MYB: variants seen among roughly 807,000 people sequenced by gnomAD.
MYB encodes the protein transcriptional activator Myb.
A neutral mutation model predicts 92.9 loss-of-function variants in MYB; 28 were observed. The ratio of observed to expected loss-of-function variants is 0.30; its 90% CI spans 0.22 to 0.41. MYB has a LOEUF of 0.41. Ranked by LOEUF, MYB falls within the 10% of genes least tolerant of loss-of-function variation. MYB has a pLI of 1.00. For missense variants in MYB, 679 were observed against 929.3 expected (o/e 0.73, Z 3.50); for synonymous variants, 295 against 329.1 (o/e 0.90, Z 1.12).
At position 135,203,293 on chromosome 6, in the gene MYB, C is replaced by A. The variant is rs1778388996; in HGVS notation, c.2138C>A (p.Pro713His). ...AATGTTCTCAAAGCATTTACAGTAC[C>A]TAAAAACAGGTCCCTGGCGAGCCCC... is the stretch of plus-strand genomic sequence containing the variant. ...EDNVLKAFTV[P>H]KNRSLASPLQ... Residue 713 changes from proline to histidine, a missense_variant, in exon 15 of 16, where the codon CCT (proline) becomes CAT (histidine). Physicochemically the swap from Pro to His is moderately conservative, Grantham distance 77 (BLOSUM62 -2). Transcript: ENST00000341911. The A allele has an allele frequency of 3.7e-6, 6 of 1,608,594 alleles. No individual in the cohort carries two copies. Among genetic ancestry groups the A allele is most frequent in the Non-Finnish European group, 5.1e-6 (6 of 1,175,166 alleles).
Position 135,218,095 on chromosome 6 carries a change from A to G in MYB, c.*115A>G. 1 of 819,948 alleles carries G rather than the reference A, an allele frequency of 1.2e-6. No individual in the cohort carries two copies. The highest frequency in any genetic ancestry group is 1.5e-5 in the South Asian group (1 of 67,178). The allele number at this position is 819,948 out of a possible 1,614,324, so 50.8% of individuals were successfully genotyped here. A position where few individuals can be genotyped will look rare whatever the true frequency, so the allele number is the denominator to read the frequency against. ...GAGAAGAACCTATTTTTGTTGTGGT[A>G]CAACAGTTGAGAGCAGCACCAAGTG... On this transcript the variant is annotated 3_prime_UTR_variant, in exon 16 of 16. Coordinates refer to ENST00000341911, the MANE Select transcript of MYB (RefSeq NM_001130173.2).
intron 5 of MYB, among the ~76,000 whole-genome samples, chr6:135,191,692 CT>C (rs1459937945): frequency 1.3e-5 from 2 of 152,166 alleles, no homozygotes; most frequent in Non-Finnish European, 2.9e-5. Flanking sequence ...AATGGAAAGA[CT>C]TTAGTAAAAA....
intron 8 of MYB, 61 bp downstream of exon 8, chr6:135,194,521 C>T (rs775053096): frequency 1.4e-4 from 166 of 1,164,022 alleles, no homozygotes; most frequent in Admixed American, 2.3e-4. Context: ...TTTACCTAAG[C>T]GCTCTTCTCT....
chr6:135,189,754 T>A, intron 3 of MYB, 37 bp from the exon 4 acceptor site: 1 of 1,558,222 alleles, frequency 6.4e-7, no homozygotes, highest in African/African-American at 1.4e-5. Context: ...GCTTATCACA[T>A]CATATCTTTA....
chr6:135,201,848 C>A, intron 14 of MYB, 99 bp downstream of exon 14: 1 of 496,724 alleles, frequency 2.0e-6, no homozygotes, highest in Non-Finnish European at 3.4e-6. Flanking sequence ...AGCACTCCCT[C>A]TTTAACACAT....
chr6:135,200,029 C>A, intron 11 of MYB, 56 bp from the exon 12 acceptor site: 1 of 1,309,084 alleles, frequency 7.6e-7, no homozygotes, highest in Non-Finnish European at 1.1e-6. Flanking sequence ...ACAGGTAAAG[C>A]CATGTAGGGA....
intron 14 of MYB, chr6:135,202,793 T>G: frequency 2.5e-6 from 1 of 394,778 alleles, no homozygotes; most frequent in South Asian, 2.0e-5. Flanking sequence ...GAAGGTCTTG[T>G]TCTAAATTCC....
chr6:135,200,316 A>G lies in MYB; in HGVS notation c.1851A>G (p.Glu617=). The G allele has an allele frequency of 6.2e-7, 1 of 1,614,178 alleles. No individual in the cohort carries two copies. Among genetic ancestry groups the G allele is most frequent in the Non-Finnish European group, 8.5e-7 (1 of 1,180,026 alleles). ...CTCAGACACCCTCTCATCTAGTAGA[A>G]GATCTGCAGGATGTGATCAAACAGG... The part of the protein sequence containing the change: ...MLPQTPSHLV[E]DLQDVIKQES... Residue 617 remains glutamate, a synonymous_variant, in exon 13 of 16, where the codon GAA becomes GAG. Transcript: ENST00000341911.
At position 135,199,463 on chromosome 6, in the gene MYB, T is replaced by G. The variant is rs1196567817; in HGVS notation, c.1709+413T>G. 4 of 483,588 alleles carry G rather than the reference T, an allele frequency of 8.3e-6. No individual in the cohort carries two copies. In the African/African-American group the frequency reaches 8.6e-5, roughly 10 times the overall value. 30.0% of individuals were successfully genotyped at this position (483,588 alleles called of 1,614,324 possible). A position where few individuals can be genotyped will look rare whatever the true frequency, so the allele number is the denominator to read the frequency against. ...ATTTTTATTTAATTTTATTTGTTTA[T>G]TATTTATTTATTTTTAGTTTGTATT... On this transcript the variant is annotated intron_variant, in intron 11 of 15. Transcript: ENST00000341911.
At chr6:135,202,089 T>C (rs186516479) in intron 14 of MYB, among the ~76,000 whole-genome samples, 102 of 152,326 alleles carry the variant, frequency 6.7e-4, no homozygotes, top group African/African-American at 2.3e-3. Context: ...TCTTGTTAAG[T>C]TGTCTCTTGT....
In MYB at chr6:135,197,286, G is replaced by A. The variant is rs781033918; in HGVS notation, c.1529G>A (p.Arg510His). 8.1e-6 allele frequency: 13 copies of A among 1,613,294 alleles called. No homozygotes were observed. The highest frequency in any genetic ancestry group is 2.2e-5 in the East Asian group (1 of 44,878). Reference protein sequence around the residue: ...FADVSSSTPKRSPVKSLPFSP... With the variant: ...FADVSSSTPKHSPVKSLPFSP... ...GACGTCAGCAGTTCAACTCCCAAGCGTTCCCCTGTCAAAAGCCTACCCTTC... is the reference window on the plus strand; with the variant it reads ...GACGTCAGCAGTTCAACTCCCAAGCATTCCCCTGTCAAAAGCCTACCCTTC... The change falls in exon 10 of 16, where the codon CGT becomes CAT. Residue 510 changes from arginine (R) to histidine (H), a missense_variant. Arg to His is a conservative substitution (Grantham distance 29). Around this residue, in one of 8 missense-constraint regions of MYB, gnomAD observed 402 missense variants for 434.2 expected, o/e 0.93. Transcript: ENST00000341911.
At chr6:135,184,401 G>A (rs960101799) in intron 1 of MYB, among the ~76,000 whole-genome samples, 1 of 133,430 alleles carries the variant, frequency 7.5e-6, no homozygotes, top group Non-Finnish European at 1.5e-5. Flanking sequence ...GTTGTTTAGT[G>A]CCTCCTGTTG....
chr6:135,203,362 T>G, intron 15 of MYB, 38 bp downstream of exon 15: 1 of 1,467,650 alleles, frequency 6.8e-7, no homozygotes, highest in Non-Finnish European at 9.5e-7. Context: ...TAAAATTCAT[T>G]CACTGAAAAA....
chr6:135,207,303 A>G (rs1779076027), intron 15 of MYB, among the ~76,000 whole-genome samples: 1 of 152,242 alleles, frequency 6.6e-6, no homozygotes. Context: ...GTTTCAAAAT[A>G]TTTTAAAATT....
intron 15 of MYB, among the ~76,000 whole-genome samples, chr6:135,214,093 C>T (rs368432165): frequency 6.4e-4 from 98 of 152,000 alleles, no homozygotes; most frequent in African/African-American, 2.3e-3. Context: ...GGCAACATAG[C>T]GAGACCCCCG....
intron 15 of MYB, among the ~76,000 whole-genome samples, chr6:135,216,804 C>T (rs553162573): frequency 6.6e-6 from 1 of 152,252 alleles, no homozygotes; most frequent in East Asian, 1.9e-4. Flanking sequence ...ATAAATAGTA[C>T]ATGTTTGCAT....
chr6:135,187,997 A>C, intron 3 of MYB, 92 bp downstream of exon 3: 1 of 849,330 alleles, frequency 1.2e-6, no homozygotes, highest in Non-Finnish European at 1.8e-6. Context: ...GATAGTGTAT[A>C]ATTTACTCAC....
At chr6:135,200,786 A>T (rs866311331) in intron 13 of MYB, 8 of 279,312 alleles carry the variant, frequency 2.9e-5, no homozygotes, top group East Asian at 1.9e-4. Context: ...TAATTGTATT[A>T]AAAAAAGGGA....
rs1776142609 is a variant in MYB, at chr6:135,188,003, C to T, written c.213+98C>T. 3 of 784,804 alleles carry T rather than the reference C, an allele frequency of 3.8e-6. No individual in the cohort carries two copies. The Admixed American group carries it at 8.0e-5, about 21-fold the overall frequency. 48.6% of individuals were successfully genotyped at this position (784,804 alleles called of 1,614,324 possible). Reference sequence around the variant, plus strand: ...AGTTATTAAGATAGTGTATAATTTACTCACATTTAAGAAGTGGGAGAAATG... The same window carrying T: ...AGTTATTAAGATAGTGTATAATTTATTCACATTTAAGAAGTGGGAGAAATG... On this transcript the variant is annotated intron_variant, in intron 3 of 15. Transcript: ENST00000341911.
Sources: allele counts gnomAD v4.1 joint callset (sites outside exome capture counted in the v4.1 genomes callset), GRCh38; gene constraint gnomAD v4.1.1; regional missense constraint gnomAD v4.1.1; transcripts MANE v1.5; gene names NCBI Gene and HGNC (gene_info 2026-07-23, HGNC 2026-07-21).